The following GOLGA1 variants were observed in gnomAD, a reference collection of about 807,000 sequenced individuals.
The protein encoded by GOLGA1 is golgin A1, also known as golgin subfamily A member 1.
GOLGA1 carries 63 observed loss-of-function variants against 119.7 expected under a neutral mutation model. That is an observed-to-expected ratio of 0.53 (90% CI 0.43 to 0.65). GOLGA1 has a LOEUF of 0.65. GOLGA1 is among the 30% of genes least tolerant of loss of function. The probability of loss-of-function intolerance (pLI) is 0.00; values close to 1 mark genes in which losing one functional copy is unlikely to be tolerated. For missense variants in GOLGA1, 798 were observed against 912.8 expected (o/e 0.87, Z 1.62); for synonymous variants, 318 against 333.4 (o/e 0.95, Z 0.50).
rs570921682 is a variant in GOLGA1 at position 124,903,464 on chromosome 9, C to T, written c.1066-2917G>A. On this transcript the variant is annotated intron_variant, in intron 12 of 22. Transcript: ENST00000373555. ...CTGCACTCCAGCCTGGGCAACAGAG[C>T]GAGATTTTGTCTAAAAAAAAAAAAG... Among the ~76,000 whole-genome samples, 8 of 149,774 alleles carry T rather than the reference C, an allele frequency of 5.3e-5. No individual in the cohort carries two copies. The East Asian group carries it at 9.9e-4, about 18-fold the overall frequency.
At chr9:124,939,927 C>T (rs1226837828) in intron 2 of GOLGA1, among the ~76,000 whole-genome samples, 179 bp downstream of exon 2, 1 of 152,144 alleles carries the variant, frequency 6.6e-6, no homozygotes, top group African/African-American at 2.4e-5. Flanking sequence ...ACCTTTTCCT[C>T]CTAATGGTGT....
chr9:124,888,150 G>T lies in GOLGA1; in HGVS notation c.1905+103C>A. On this transcript the variant is annotated intron_variant, in intron 19 of 22. Transcript: ENST00000373555. This position sits in a 1 kb window ranked among gnomAD's most constrained non-coding sequence, Gnocchi z 4.4. ...AGAGGGGTCATGGTTGCCAGGAGGT[G>T]CGGGGGAAACCACAAAAACCTCCAA... The T allele has an allele frequency of 9.4e-7, 1 of 1,061,334 alleles. No individual in the cohort carries two copies. Among genetic ancestry groups the T allele is most frequent in the Non-Finnish European group, 1.4e-6 (1 of 695,202 alleles). The allele number at this position is 1,061,334 out of a possible 1,614,324, so 65.7% of individuals were successfully genotyped here.
Position 124,899,404 on chromosome 9 carries a change from G to C in GOLGA1, c.1236C>G (p.Thr412=), listed in dbSNP as rs1830051020. Residue 412 remains threonine, a synonymous_variant, in exon 14 of 23, where the codon ACC becomes ACG. Transcript: ENST00000373555. ...LALEQQFLER[T]QALEAQIVAL... is the part of the protein sequence containing the mutation. Reference sequence around the variant, plus strand: ...CCACTATCTGGGCTTCTAGCGCCTGGGTGCGCTCCAAGAACTGCTGCTCCA... The same window carrying C: ...CCACTATCTGGGCTTCTAGCGCCTGCGTGCGCTCCAAGAACTGCTGCTCCA... 1 of 1,548,850 alleles carries C rather than the reference G, an allele frequency of 6.5e-7. No individual in the cohort carries two copies. The highest frequency in any genetic ancestry group is 1.4e-5 in the African/African-American group (1 of 73,204).
chr9:124,926,492 A>G (rs540429307), intron 7 of GOLGA1, among the ~76,000 whole-genome samples: 1 of 152,296 alleles, frequency 6.6e-6, no homozygotes, highest in East Asian at 1.9e-4. Flanking sequence ...GGAAGAGAGG[A>G]GGAGTGCAGA....
intron 9 of GOLGA1, 83 bp downstream of exon 9, chr9:124,921,640 T>C (rs1035626231): frequency 9.2e-7 from 1 of 1,085,528 alleles, no homozygotes; most frequent in African/African-American, 1.6e-5. Flanking sequence ...AGTGGTGTAA[T>C]GAACAATGGG....
chr9:124,923,728 A>G (rs1204851981), intron 7 of GOLGA1, among the ~76,000 whole-genome samples: 1 of 151,954 alleles, frequency 6.6e-6, no homozygotes. Flanking sequence ...GCCTCAAGAC[A>G]TTCTCCTGCC....
Position 124,881,707 on chromosome 9 carries a change from G to A in GOLGA1, c.2136+77C>T, listed in dbSNP as rs1308189216. On this transcript the variant is annotated intron_variant, in intron 21 of 22. Coordinates refer to ENST00000373555, the MANE Select transcript of GOLGA1 (RefSeq NM_002077.4). This position sits in a 1 kb window ranked among gnomAD's most constrained non-coding sequence, Gnocchi z 4.9. ...GATGTACGAGGAAAAGAGAGAAAGG[G>A]GCTGGGCAGGGGTCCCTGCAGGACA... 1.1e-6 allele frequency: 1 copy of A among 941,662 alleles called. No homozygotes were observed. The highest frequency in any genetic ancestry group is 2.4e-5 in the Admixed American group (1 of 41,368). The allele number at this position is 941,662 out of a possible 1,614,324, so 58.3% of individuals were successfully genotyped here.
rs1006351188 is a variant in GOLGA1, at chr9:124,888,934, C to T, written c.1761+209G>A. Among the ~76,000 whole-genome samples, 4 of 152,170 alleles carry T rather than the reference C, an allele frequency of 2.6e-5. No homozygotes were observed. The highest frequency in any genetic ancestry group is 4.4e-5 in the Non-Finnish European group (3 of 68,024). On this transcript the variant is annotated intron_variant, in intron 18 of 22. Transcript: ENST00000373555. This position sits in a 1 kb window ranked among gnomAD's most constrained non-coding sequence, Gnocchi z 4.4. ...CAGGATGGTCTCGATCTCCTGAACT[C>T]GTGATCCACCCGCCTCGGCCTCCCA... is the stretch of plus-strand genomic sequence containing the variant.
At chr9:124,895,398 TCTCCACAACAGAGACG>T (rs796289969) in intron 15 of GOLGA1, among the ~76,000 whole-genome samples, 4 of 70,486 alleles carry the variant, frequency 5.7e-5, no homozygotes, top group South Asian at 4.8e-4. Flanking sequence ...CAACAGAGAC[TCTCCACAACAGAGACG>T]CTCCACAACA....
chr9:124,924,241 A>G (rs985738475), intron 7 of GOLGA1, among the ~76,000 whole-genome samples: 10 of 152,228 alleles, frequency 6.6e-5, no homozygotes, highest in African/African-American at 1.9e-4. Context: ...GAAAAAAATT[A>G]AATGCACGTA....
intron 18 of GOLGA1, 126 bp downstream of exon 18, chr9:124,889,016 GA>G (rs1198945677): frequency 1.1e-5 from 8 of 725,768 alleles, no homozygotes; most frequent in African/African-American, 1.8e-5. Flanking sequence ...CTACTTCAAA[GA>G]AAGGACCCTA....
chr9:124,925,186 G>A (rs1247932834), intron 7 of GOLGA1, among the ~76,000 whole-genome samples: 2 of 152,070 alleles, frequency 1.3e-5, no homozygotes, highest in East Asian at 1.9e-4. Context: ...AGGTTTTTTA[G>A]TTGGTTCAGT....
chr9:124,895,781 ACAACAGAGAACCATCCC>A, intron 15 of GOLGA1, among the ~76,000 whole-genome samples: 1 of 148,668 alleles, frequency 6.7e-6, no homozygotes, highest in South Asian at 2.2e-4. Context: ...GAGAGCCTCC[ACAACAGAGAACCATCCC>A]CAACAGAGAC....
At position 124,938,830 on chromosome 9, in the gene GOLGA1, C is replaced by T; in HGVS notation, c.-119G>A. ...GACATCCAAGCTAGCTGCATTCCCA[C>T]TTAAATGTGGGCCAAGGGCTTATGG... On this transcript the variant is annotated 5_prime_UTR_variant, in exon 3 of 23. It adds an upstream start codon to the 5' untranslated region. Coordinates refer to ENST00000373555, the MANE Select transcript of GOLGA1 (RefSeq NM_002077.4). The T allele has an allele frequency of 1.3e-6, 1 of 754,946 alleles. No individual in the cohort carries two copies. Among genetic ancestry groups the T allele is most frequent in the South Asian group, 2.2e-5 (1 of 45,900 alleles). 46.8% of individuals were successfully genotyped at this position (754,946 alleles called of 1,614,324 possible). A position where few individuals can be genotyped will look rare whatever the true frequency, so the allele number is the denominator to read the frequency against.
upstream of GOLGA1, chr9:124,942,744 ATTTCT>A (rs924671413): frequency 3.9e-5 from 6 of 152,212 alleles, no homozygotes; most frequent in Non-Finnish European, 5.9e-5. Flanking sequence ...CAATGTGAAA[ATTTCT>A]TTAATACACT....
Position 124,878,401 on chromosome 9 carries a change from G to A in GOLGA1, c.*2129C>T, listed in dbSNP as rs1016498690. On this transcript the variant is annotated 3_prime_UTR_variant, in exon 23 of 23. Coordinates refer to ENST00000373555, the MANE Select transcript of GOLGA1 (RefSeq NM_002077.4). ...GATTGAAGAGCTTTAATCAAAAAGTGTATTGCACCACAGATGAATTTGCTA... is the reference window on the plus strand; with the variant it reads ...GATTGAAGAGCTTTAATCAAAAAGTATATTGCACCACAGATGAATTTGCTA... 2 of 152,550 alleles carry A rather than the reference G, an allele frequency of 1.3e-5. No individual in the cohort carries two copies. Among genetic ancestry groups the A allele is most frequent in the African/African-American group, 4.8e-5 (2 of 41,400 alleles). 9.4% of individuals were successfully genotyped at this position (152,550 alleles called of 1,614,324 possible).
In GOLGA1 at chr9:124,908,463, C is replaced by T. The variant is rs1335952543; in HGVS notation, c.979G>A (p.Ala327Thr). Residue 327 changes from alanine (A) to threonine (T), a missense_variant, in exon 12 of 23, where the codon GCT becomes ACT. Ala to Thr is a moderately conservative substitution (Grantham distance 58). Coordinates refer to ENST00000373555, the MANE Select transcript of GOLGA1 (RefSeq NM_002077.4). Reference sequence around the variant, plus strand: ...CTGGTATCCTCCAAATTCTGCTCAGCAAGTGTTTTCTGTAAGTTGAAAGAA... The same window carrying T: ...CTGGTATCCTCCAAATTCTGCTCAGTAAGTGTTTTCTGTAAGTTGAAAGAA... The part of the protein sequence containing the change: ...LQELLKEKTL[A>T]EQNLEDTRQQ... 1 of 1,588,604 alleles carries T rather than the reference C, an allele frequency of 6.3e-7. No homozygotes were observed. The highest frequency in any genetic ancestry group is 8.6e-7 in the Non-Finnish European group (1 of 1,156,772).
At chr9:124,930,038 G>T (rs563808628) in intron 4 of GOLGA1, among the ~76,000 whole-genome samples, 174 of 152,108 alleles carry the variant, frequency 1.1e-3, no homozygotes, top group African/African-American at 4.0e-3. Flanking sequence ...AACATTTTAC[G>T]TGCCTTAAGT....
rs1444098246 is a variant in GOLGA1 at position 124,879,430 on chromosome 9, T to A, written c.*1100A>T. On this transcript the variant is annotated 3_prime_UTR_variant, in exon 23 of 23. Transcript: ENST00000373555. ...TCTGGGTGTAGTGTCATTTTAAGTA[T>A]TTGGGGTGGGATGAGGGAGAGAGAG... The A allele has an allele frequency of 2.0e-5, 3 of 151,808 alleles. No homozygotes were observed. Among genetic ancestry groups the A allele is most frequent in the Admixed American group, 6.6e-5 (1 of 15,226 alleles). The allele number at this position is 151,808 out of a possible 1,614,324, so 9.4% of individuals were successfully genotyped here.
Sources: allele counts gnomAD v4.1 joint callset (sites outside exome capture counted in the v4.1 genomes callset), GRCh38; gene constraint gnomAD v4.1.1; non-coding constraint Gnocchi (gnomAD v3.1); transcripts MANE v1.5; gene names NCBI Gene and HGNC (gene_info 2026-07-23, HGNC 2026-07-21).